The following MTSS1 variants were observed in gnomAD, a reference collection of about 807,000 sequenced individuals.
The protein encoded by MTSS1 is protein MTSS 1.
In MTSS1, 18 loss-of-function variants were observed where a neutral mutation model predicts 79.0. That is an observed-to-expected ratio of 0.23 (90% CI 0.16 to 0.34). The LOEUF (loss-of-function observed/expected upper bound fraction) is 0.34, where lower values mean the gene tolerates loss of function less well. Ranked by LOEUF, MTSS1 falls within the 10% of genes least tolerant of loss-of-function variation. MTSS1 has a pLI of 1.00. For synonymous variants in MTSS1, 341 were observed against 368.6 expected (o/e 0.93, Z 0.86); for missense variants, 815 against 986.2 (o/e 0.83, Z 2.33).
At chr8:124,700,651 T>C (rs1829573086) in intron 2 of MTSS1, among the ~76,000 whole-genome samples, 1 of 152,180 alleles carries the variant, frequency 6.6e-6, no homozygotes, top group Non-Finnish European at 1.5e-5. Flanking sequence ...GTTCTTAATA[T>C]TTTTTTGGAC....
chr8:124,688,329 C>T (rs113335637), intron 3 of MTSS1, among the ~76,000 whole-genome samples: 12 of 101,310 alleles, frequency 1.2e-4, no homozygotes, highest in African/African-American at 3.0e-4. Context: ...TACATGTGTA[C>T]GTCTGTGTGT....
At chr8:124,556,568 G>A (rs975697082) in intron 11 of MTSS1, 163 bp from the exon 12 acceptor site, 12 of 778,202 alleles carry the variant, frequency 1.5e-5, no homozygotes, top group Admixed American at 6.0e-5. Context: ...AGGCTCTAAA[G>A]GGCAAGGAAT....
At chr8:124,704,109 A>G (rs774564398) in intron 2 of MTSS1, 21 bp downstream of exon 2, 3 of 1,611,790 alleles carry the variant, frequency 1.9e-6, no homozygotes, top group East Asian at 2.2e-5. Flanking sequence ...CTTTTCCTGT[A>G]GAACATGTGC....
At chr8:124,665,751 A>C (rs60858030) in intron 3 of MTSS1, among the ~76,000 whole-genome samples, 19,362 of 152,058 alleles carry the variant, frequency 0.13, 1,679 homozygotes, top group East Asian at 0.23. Flanking sequence ...CCTGTAATCC[A>C]AGCTACTCAG....
At chr8:124,677,451 A>G (rs1825491903) in intron 3 of MTSS1, among the ~76,000 whole-genome samples, 1 of 152,226 alleles carries the variant, frequency 6.6e-6, no homozygotes, top group Non-Finnish European at 1.5e-5. Context: ...CAAAACCCAA[A>G]TGAATGGGCT....
intron 3 of MTSS1, among the ~76,000 whole-genome samples, chr8:124,612,766 A>G (rs1256092262): frequency 6.6e-6 from 1 of 152,150 alleles, no homozygotes; most frequent in Non-Finnish European, 1.5e-5. Flanking sequence ...CCCACAAACA[A>G]ACATTCGAAA....
intron 3 of MTSS1, among the ~76,000 whole-genome samples, chr8:124,657,193 T>G (rs576742014): frequency 2.6e-5 from 4 of 152,254 alleles, no homozygotes; most frequent in African/African-American, 9.6e-5. Context: ...TGCATCCACG[T>G]ATATGGGTGA....
intron 1 of MTSS1, among the ~76,000 whole-genome samples, chr8:124,707,153 G>T (rs1830490549): frequency 6.6e-6 from 1 of 152,110 alleles, no homozygotes; most frequent in Non-Finnish European, 1.5e-5. Flanking sequence ...GCTACACAAG[G>T]AAGAAGGACC....
At chr8:124,656,137 A>C (rs1820893671) in intron 3 of MTSS1, among the ~76,000 whole-genome samples, 1 of 152,208 alleles carries the variant, frequency 6.6e-6, no homozygotes, top group Non-Finnish European at 1.5e-5. Flanking sequence ...ATCTTAAGAG[A>C]TAGATCCCCG....
intron 6 of MTSS1, among the ~76,000 whole-genome samples, chr8:124,583,995 T>A (rs1830454374): frequency 6.6e-6 from 1 of 152,224 alleles, no homozygotes; most frequent in Non-Finnish European, 1.5e-5. Context: ...CCAATGCTGA[T>A]GGAAAATCTG....
At chr8:124,705,244 G>A (rs1440128505) in intron 1 of MTSS1, among the ~76,000 whole-genome samples, 1 of 152,166 alleles carries the variant, frequency 6.6e-6, no homozygotes, top group Non-Finnish European at 1.5e-5. Context: ...GCCAAGGTGG[G>A]CAGACATCTT....
intron 5 of MTSS1, among the ~76,000 whole-genome samples, chr8:124,585,873 C>G (rs1386834591): frequency 2.0e-5 from 3 of 152,102 alleles, no homozygotes; most frequent in Non-Finnish European, 4.4e-5. Context: ...AGATGCTGGG[C>G]AGATGTTAAA....
At chr8:124,619,722 T>G (rs1287314784) in intron 3 of MTSS1, among the ~76,000 whole-genome samples, 4 of 152,230 alleles carry the variant, frequency 2.6e-5, no homozygotes, top group Middle Eastern at 6.8e-3. Flanking sequence ...GATGTAAGCA[T>G]CATGGAATTC....
At chr8:124,592,865 C>G (rs1403668759) in intron 3 of MTSS1, among the ~76,000 whole-genome samples, 1 of 152,172 alleles carries the variant, frequency 6.6e-6, no homozygotes, top group Non-Finnish European at 1.5e-5. Context: ...AAGTCAACAG[C>G]AGACTTCCTT....
chr8:124,724,707 G>A (rs1189594477), intron 1 of MTSS1, among the ~76,000 whole-genome samples: 3 of 152,104 alleles, frequency 2.0e-5, no homozygotes, highest in South Asian at 2.1e-4. Context: ...CACCAAAATC[G>A]ATGCCGGTTC....
intron 3 of MTSS1, among the ~76,000 whole-genome samples, chr8:124,593,560 A>T (rs1832230765): frequency 6.6e-6 from 1 of 152,220 alleles, no homozygotes; most frequent in South Asian, 2.1e-4. Flanking sequence ...CATGCGATGG[A>T]ATTGCACGTG....
intron 3 of MTSS1, among the ~76,000 whole-genome samples, chr8:124,642,014 A>T: frequency 6.6e-6 from 1 of 152,234 alleles, no homozygotes; most frequent in Non-Finnish European, 1.5e-5. Context: ...CAGCAAAAAG[A>T]TAAATCATTT....
intron 1 of MTSS1, among the ~76,000 whole-genome samples, chr8:124,712,282 G>T (rs146204239): frequency 1.7e-3 from 260 of 152,258 alleles, no homozygotes; most frequent in African/African-American, 6.0e-3. Flanking sequence ...ACCTCAGCAG[G>T]GCGAGTGTGA....
At chr8:124,585,291 TACAA>T in intron 5 of MTSS1, 130 bp from the exon 6 acceptor site, 3 of 681,408 alleles carry the variant, frequency 4.4e-6, no homozygotes, top group Non-Finnish European at 7.7e-6. Flanking sequence ...TTTATCAGAA[TACAA>T]TATGATAATC....
Sources: allele counts gnomAD v4.1 joint callset (sites outside exome capture counted in the v4.1 genomes callset), GRCh38; gene constraint gnomAD v4.1.1; transcripts MANE v1.5; gene names NCBI Gene and HGNC (gene_info 2026-07-23, HGNC 2026-07-21).